NKAIN3: variants seen among roughly 807,000 people sequenced by gnomAD.
The protein encoded by NKAIN3 is sodium/potassium-transporting ATPase subunit beta-1-interacting protein 3.
In NKAIN3, 25 loss-of-function variants were observed where a neutral mutation model predicts 30.2. That is an observed-to-expected ratio of 0.83 (90% CI 0.60 to 1.16). The LOEUF (loss-of-function observed/expected upper bound fraction) is 1.16, where lower values mean the gene tolerates loss of function less well. Ranked by LOEUF, NKAIN3 falls within the 50% of genes most tolerant of loss-of-function variation. The pLI is 0.00. For missense variants in NKAIN3, 225 were observed against 254.1 expected (o/e 0.89, Z 0.78); for synonymous variants, 91 against 89.6 (o/e 1.02, Z -0.09).
At chr8:62,717,170 A>G (rs1814932698) in intron 3 of NKAIN3, among the ~76,000 whole-genome samples, 1 of 152,250 alleles carries the variant, frequency 6.6e-6, no homozygotes, top group Non-Finnish European at 1.5e-5. Context: ...TAGAGTGTGA[A>G]GAGGTCACAA....
chr8:62,413,256 A>T (rs923157929), intron 1 of NKAIN3, among the ~76,000 whole-genome samples: 1 of 152,162 alleles, frequency 6.6e-6, no homozygotes, highest in Non-Finnish European at 1.5e-5. Flanking sequence ...AGAGTTTAAC[A>T]TCTCTTTAAG....
Position 62,545,309 on chromosome 8 carries a change from G to C in NKAIN3, c.55-34230G>C, listed in dbSNP as rs1808970070. On this transcript the variant is annotated intron_variant, in intron 1 of 6. Coordinates refer to ENST00000623646, the MANE Select transcript of NKAIN3 (RefSeq NM_001304533.3). ...TTTAAATGAGCACCTCTTCCACTGGGCATGGTGGCTCATGCCTGTAATCCC... is the reference window on the plus strand; with the variant it reads ...TTTAAATGAGCACCTCTTCCACTGGCCATGGTGGCTCATGCCTGTAATCCC... Among the ~76,000 whole-genome samples the C allele has an allele frequency of 2.0e-5, 3 of 152,096 alleles. No individual in the cohort carries two copies. The South Asian group carries it at 6.2e-4, about 32-fold the overall frequency.
chr8:62,442,211 T>C (rs1563400652), intron 1 of NKAIN3, among the ~76,000 whole-genome samples: 1 of 152,048 alleles, frequency 6.6e-6, no homozygotes, highest in South Asian at 2.1e-4. Flanking sequence ...TAGAATTCTT[T>C]GTAAAACTAT....
intron 1 of NKAIN3, among the ~76,000 whole-genome samples, chr8:62,409,403 C>T (rs1246563888): frequency 6.6e-6 from 1 of 152,138 alleles, no homozygotes; most frequent in African/African-American, 2.4e-5. Flanking sequence ...AGGCTGGTCT[C>T]AAACTTCTGA....
chr8:62,504,059 C>G (rs962336496), intron 1 of NKAIN3, among the ~76,000 whole-genome samples: 1 of 152,228 alleles, frequency 6.6e-6, no homozygotes, highest in African/African-American at 2.4e-5. Flanking sequence ...TGCCACGGCG[C>G]CAGCCGGTCC....
chr8:62,591,508 T>C (rs887840073), intron 3 of NKAIN3, among the ~76,000 whole-genome samples: 1 of 152,034 alleles, frequency 6.6e-6, no homozygotes, highest in Non-Finnish European at 1.5e-5. Flanking sequence ...TTTTTTCATA[T>C]AACTCTGATT....
intron 1 of NKAIN3, among the ~76,000 whole-genome samples, chr8:62,467,828 C>T (rs1029701990): frequency 1.1e-4 from 17 of 152,036 alleles, no homozygotes; most frequent in African/African-American, 3.6e-4. Flanking sequence ...TGCAGTGGCA[C>T]GAGCTCGTCT....
At chr8:62,412,701 C>G (rs1804283620) in intron 1 of NKAIN3, among the ~76,000 whole-genome samples, 1 of 151,490 alleles carries the variant, frequency 6.6e-6, no homozygotes, top group South Asian at 2.1e-4. Context: ...TTGAGACCAG[C>G]CTGGCCTCAA....
intron 3 of NKAIN3, among the ~76,000 whole-genome samples, chr8:62,670,945 G>C (rs1212500871): frequency 6.6e-6 from 1 of 151,194 alleles, no homozygotes; most frequent in South Asian, 2.1e-4. Flanking sequence ...AACCCAGTGA[G>C]GTATCTGTTC....
chr8:62,661,763 A>G (rs1812952737), intron 3 of NKAIN3, among the ~76,000 whole-genome samples: 1 of 152,114 alleles, frequency 6.6e-6, no homozygotes. Context: ...TCTGGCTGGT[A>G]TCTGCTGAAA....
chr8:62,372,133 A>T (rs978834405), intron 1 of NKAIN3, among the ~76,000 whole-genome samples: 1 of 151,912 alleles, frequency 6.6e-6, no homozygotes, highest in Non-Finnish European at 1.5e-5. Flanking sequence ...TAACTTGGAG[A>T]TCCATCAGAT....
chr8:62,976,276 C>A lies in NKAIN3; in HGVS notation c.*10869C>A, dbSNP rs1327889522. ...ATCTCGGTGATCTGTCTAATACACA[C>A]AATGGAGTGTTAAAGTCTCCCACTA... On this transcript the variant is annotated 3_prime_UTR_variant, in exon 7 of 7. Transcript: ENST00000623646. 6.6e-6 allele frequency among the ~76,000 whole-genome samples: 1 copy of A among 151,742 alleles called. No individual in the cohort carries two copies. Among genetic ancestry groups the A allele is most frequent in the East Asian group, 1.9e-4 (1 of 5,176 alleles).
chr8:62,948,758 A>T (rs1487154183), intron 5 of NKAIN3, among the ~76,000 whole-genome samples: 2 of 152,218 alleles, frequency 1.3e-5, no homozygotes, highest in African/African-American at 4.8e-5. Context: ...GGCATTACTA[A>T]TGTAATGTCT....
intron 1 of NKAIN3, among the ~76,000 whole-genome samples, chr8:62,468,833 T>C (rs1405272344): frequency 6.6e-6 from 1 of 152,176 alleles, no homozygotes; most frequent in Non-Finnish European, 1.5e-5. Flanking sequence ...AATGAATTTG[T>C]CATCCCCCGT....
chr8:62,610,740 T>G (rs114618000), intron 3 of NKAIN3, among the ~76,000 whole-genome samples: 1 of 152,150 alleles, frequency 6.6e-6, no homozygotes, highest in Non-Finnish European at 1.5e-5. Flanking sequence ...ATTTCTCTTT[T>G]CCTTGTGTTT....
At chr8:62,366,064 A>T (rs1563366678) in intron 1 of NKAIN3, among the ~76,000 whole-genome samples, 1 of 152,154 alleles carries the variant, frequency 6.6e-6, no homozygotes, top group Admixed American at 6.6e-5. Context: ...TAAATTACTT[A>T]TTCAATCTCC....
At chr8:62,796,429 A>G (rs552583209) in intron 4 of NKAIN3, among the ~76,000 whole-genome samples, 2 of 146,254 alleles carry the variant, frequency 1.4e-5, no homozygotes, top group Admixed American at 7.1e-5. Context: ...AATGAATGCT[A>G]GATACTGCAT....
intron 5 of NKAIN3, among the ~76,000 whole-genome samples, chr8:62,945,739 G>A (rs1015263633): frequency 2.6e-5 from 4 of 152,034 alleles, no homozygotes; most frequent in East Asian, 1.9e-4. Flanking sequence ...TCTTATTGCC[G>A]CCCTTCTCAC....
intron 1 of NKAIN3, among the ~76,000 whole-genome samples, chr8:62,404,158 C>T (rs1563383100): frequency 6.6e-6 from 1 of 152,216 alleles, no homozygotes; most frequent in Non-Finnish European, 1.5e-5. Context: ...CCTGTAACCT[C>T]ATTGTATCTA....
Sources: gnomAD v4.1 joint callset for allele counts (sites outside exome capture counted in the v4.1 genomes callset) on GRCh38, gnomAD v4.1.1 for gene constraint, MANE v1.5 for transcripts, NCBI Gene and HGNC (gene_info 2026-07-23, HGNC 2026-07-21) for gene names.